Variants in LRBA observed in about 807,000 individuals in gnomAD.
The protein encoded by LRBA is LPS responsive beige-like anchor protein.
A neutral mutation model predicts 330.0 loss-of-function variants in LRBA; 176 were observed. The ratio of observed to expected loss-of-function variants is 0.53; its 90% CI spans 0.47 to 0.60. The LOEUF is 0.60. Among genes scored for constraint, LRBA ranks in the 20% least tolerant of loss-of-function variants. LRBA has a pLI of 0.00. For synonymous variants in LRBA, 1,230 were observed against 1,193.0 expected (o/e 1.03, Z -0.64); for missense variants, 3,259 against 3,444.8 (o/e 0.95, Z 1.35).
At chr4:150,790,243 A>G (rs1739700952) in intron 34 of LRBA, among the ~76,000 whole-genome samples, 1 of 152,222 alleles carries the variant, frequency 6.6e-6, no homozygotes, top group Non-Finnish European at 1.5e-5. Flanking sequence ...CACAGGGTGT[A>G]CTGCCAGTTC....
intron 40 of LRBA, among the ~76,000 whole-genome samples, chr4:150,519,997 T>C (rs1362541275): frequency 6.6e-6 from 1 of 152,218 alleles, no homozygotes; most frequent in Non-Finnish European, 1.5e-5. Flanking sequence ...ATCAAGTCCC[T>C]AATCAAATCT....
chr4:150,684,245 A>C (rs1442016773), intron 36 of LRBA, among the ~76,000 whole-genome samples: 1 of 152,230 alleles, frequency 6.6e-6, no homozygotes, highest in Non-Finnish European at 1.5e-5. Context: ...GTGGGACAAG[A>C]GAAGTGAAGT....
At chr4:150,814,221 G>A (rs1486090333) in intron 31 of LRBA, among the ~76,000 whole-genome samples, 1 of 151,916 alleles carries the variant, frequency 6.6e-6, no homozygotes, top group Non-Finnish European at 1.5e-5. Context: ...CTTAAATCGA[G>A]AGACCCACCA....
intron 40 of LRBA, among the ~76,000 whole-genome samples, chr4:150,501,489 G>C (rs988973806): frequency 6.6e-6 from 1 of 152,126 alleles, no homozygotes; most frequent in African/African-American, 2.4e-5. Context: ...GTGTGTGCCT[G>C]TGGTCCCAGA....
intron 2 of LRBA, among the ~76,000 whole-genome samples, chr4:151,009,912 G>A (rs950312293): frequency 7.9e-5 from 12 of 151,798 alleles, no homozygotes; most frequent in Admixed American, 2.0e-4. Context: ...CCTGGGAGGC[G>A]GACCTTGCAG....
chr4:150,409,391 T>G (rs537471873), intron 47 of LRBA, among the ~76,000 whole-genome samples: 23 of 152,274 alleles, frequency 1.5e-4, no homozygotes, highest in African/African-American at 5.5e-4. Context: ...TAACTATTTA[T>G]CTCAGAATCC....
chr4:150,498,221 C>T (rs1479836515), intron 40 of LRBA, among the ~76,000 whole-genome samples: 1 of 152,090 alleles, frequency 6.6e-6, no homozygotes, highest in Non-Finnish European at 1.5e-5. Flanking sequence ...AATATTTGTG[C>T]TGGAGTTGAT....
chr4:150,369,046 T>G (rs1198940977), intron 47 of LRBA, among the ~76,000 whole-genome samples: 1 of 151,658 alleles, frequency 6.6e-6, no homozygotes, highest in Non-Finnish European at 1.5e-5. Flanking sequence ...TAAATGAACC[T>G]TGAGTCAGAT....
In LRBA at chr4:150,828,182, G is replaced by C. The variant is rs1306007800; in HGVS notation, c.5169C>G (p.Asp1723Glu). 6.2e-7 allele frequency: 1 copy of C among 1,613,340 alleles called. No individual in the cohort carries two copies. Among genetic ancestry groups the C allele is most frequent in the South Asian group, 1.1e-5 (1 of 91,040 alleles). Residue 1723 changes from aspartate to glutamate, a missense_variant and splice_region_variant, in exon 30 of 57, where the codon GAC (aspartate) becomes GAG (glutamate). Coordinates refer to ENST00000651943, the MANE Select transcript of LRBA (RefSeq NM_001364905.1). ...VEQPVQFRSF[D>E]RSVIVAAKKS... ...AAACGAAAAACTATTATCAGTACCT[G>C]TCAAAAGATCTGAACTGCACGGGTT...
chr4:150,858,425 C>T (rs1288547523), intron 22 of LRBA, among the ~76,000 whole-genome samples: 2 of 151,802 alleles, frequency 1.3e-5, no homozygotes, highest in African/African-American at 4.8e-5. Context: ...TAAAAACACA[C>T]ACACAAACAC....
At chr4:150,376,610 C>T (rs937340288) in intron 47 of LRBA, among the ~76,000 whole-genome samples, 1 of 152,062 alleles carries the variant, frequency 6.6e-6, no homozygotes, top group Admixed American at 6.6e-5. Flanking sequence ...TCGGAGGACC[C>T]AACCCAGAAT....
At chr4:150,485,938 G>A (rs949964890) in intron 42 of LRBA, among the ~76,000 whole-genome samples, 9 of 151,862 alleles carry the variant, frequency 5.9e-5, no homozygotes, top group African/African-American at 1.9e-4. Context: ...CAGAGGAGTG[G>A]GGGAAATGGG....
Position 150,297,126 on chromosome 4 carries a change from C to A in LRBA, c.8017+5499G>T, listed in dbSNP as rs79001796. ...AGATACTCAATCTGAGGGTATAAAT[C>A]ATCAATTCTTCTGTTCTCATATTTA... is the stretch of plus-strand genomic sequence containing the variant. On this transcript the variant is annotated intron_variant, in intron 53 of 56. Transcript: ENST00000651943. 5.7e-3 allele frequency among the ~76,000 whole-genome samples: 754 copies of A among 132,246 alleles called. 7 individuals carry two copies. The highest frequency in any genetic ancestry group is 0.019 in the African/African-American group (719 of 37,886). 86.8% of individuals were successfully genotyped at this position (132,246 alleles called of 152,430 possible). A position where few individuals can be genotyped will look rare whatever the true frequency, so the allele number is the denominator to read the frequency against.
chr4:150,942,484 C>G (rs759317699), intron 2 of LRBA, among the ~76,000 whole-genome samples: 1 of 152,096 alleles, frequency 6.6e-6, no homozygotes, highest in Non-Finnish European at 1.5e-5. Flanking sequence ...CTCCAGCCGA[C>G]AGTAAACTAG....
intron 40 of LRBA, among the ~76,000 whole-genome samples, chr4:150,527,618 G>A (rs1328624963): frequency 6.6e-6 from 1 of 152,160 alleles, no homozygotes; most frequent in African/African-American, 2.4e-5. Flanking sequence ...TGAGAGGTTG[G>A]AGCAGAAGAA....
At position 150,530,521 on chromosome 4, in the gene LRBA, A is replaced by G. The variant is rs190249403; in HGVS notation, c.6331-39486T>C. ...TTTCTGAAGTTGGTGTATAAATACC[A>G]CAGCTCCCTCAACTCTCTCAGTTGG... On this transcript the variant is annotated intron_variant, in intron 40 of 56. Coordinates refer to ENST00000651943, the MANE Select transcript of LRBA (RefSeq NM_001364905.1). 3.1e-4 allele frequency among the ~76,000 whole-genome samples: 47 copies of G among 152,302 alleles called. No homozygotes were observed. The East Asian group carries it at 8.7e-3, about 28-fold the overall frequency.
intron 42 of LRBA, among the ~76,000 whole-genome samples, chr4:150,475,679 T>C (rs1756625814): frequency 6.6e-6 from 1 of 151,820 alleles, no homozygotes. Flanking sequence ...GGAGGATCAC[T>C]TGAGCCCAAG....
At chr4:150,560,132 G>A (rs1224278957) in intron 40 of LRBA, among the ~76,000 whole-genome samples, 1 of 150,144 alleles carries the variant, frequency 6.7e-6, no homozygotes, top group African/African-American at 2.5e-5. Flanking sequence ...GAAGTATTCA[G>A]GGGGAAAGGA....
intron 36 of LRBA, among the ~76,000 whole-genome samples, chr4:150,728,992 C>A (rs915829135): frequency 6.6e-6 from 1 of 152,118 alleles, no homozygotes; most frequent in Non-Finnish European, 1.5e-5. Flanking sequence ...TAAACAAATT[C>A]AGTAAAGTTG....
Sources: gnomAD v4.1 joint callset for allele counts (sites outside exome capture counted in the v4.1 genomes callset) on GRCh38, gnomAD v4.1.1 for gene constraint, MANE v1.5 for transcripts, NCBI Gene and HGNC (gene_info 2026-07-23, HGNC 2026-07-21) for gene names.